BMPR1A: variants seen among roughly 807,000 people sequenced by gnomAD.
BMPR1A encodes the protein bone morphogenetic protein receptor type 1A.
In BMPR1A, 7 loss-of-function variants were observed where a neutral mutation model predicts 66.0. The observed-to-expected ratio is 0.11, with a 90% CI of 0.06 to 0.20. The LOEUF is 0.20. Ranked by LOEUF, BMPR1A falls within the 10% of genes least tolerant of loss-of-function variation. The probability of loss-of-function intolerance (pLI) is 1.00; values close to 1 mark genes in which losing one functional copy is unlikely to be tolerated. For missense variants in BMPR1A, 408 were observed against 669.1 expected, an observed-to-expected ratio of 0.61 and a Z score of 4.31; for synonymous variants, 200 against 229.7, an observed-to-expected ratio of 0.87 and a Z score of 1.17.
At position 86,855,939 on chromosome 10, in the gene BMPR1A, CT is replaced by C. The variant is rs1325268782; in HGVS notation, c.-153+16963del. On this transcript the variant is annotated intron_variant, in intron 2 of 12. Transcript: ENST00000372037. Reference sequence around the variant, plus strand: ...TTGTTGATATCTGATGTTTTAATGGCTTTACTGCATAACTATTTCTTTTCCA... The same window carrying C: ...TTGTTGATATCTGATGTTTTAATGGCTTACTGCATAACTATTTCTTTTCCA... 6.2e-6 allele frequency: 4 copies of C among 641,788 alleles called. No individual in the cohort carries two copies. The East Asian group carries it at 1.1e-4, about 17-fold the overall frequency. 39.8% of individuals were successfully genotyped at this position (641,788 alleles called of 1,614,324 possible).
chr10:86,790,076 A>G (rs1841578375), intron 1 of BMPR1A, among the ~76,000 whole-genome samples: 1 of 141,284 alleles, frequency 7.1e-6, no homozygotes, highest in Non-Finnish European at 1.5e-5. Context: ...GAATGGCGTG[A>G]ACCCAGGAGG....
intron 1 of BMPR1A, among the ~76,000 whole-genome samples, chr10:86,795,416 GTT>G (rs10536775): frequency 0.13 from 19,344 of 149,654 alleles, 1,778 homozygotes; most frequent in African/African-American, 0.26. Flanking sequence ...AAAGTGATTT[GTT>G]TTTTTTTTTT....
At chr10:86,828,717 T>C (rs1842229280) in intron 1 of BMPR1A, among the ~76,000 whole-genome samples, 1 of 152,136 alleles carries the variant, frequency 6.6e-6, no homozygotes, top group Non-Finnish European at 1.5e-5. Flanking sequence ...GGAAGCTTGT[T>C]CCATGGGACA....
chr10:86,913,236 G>A (rs1243786670), intron 8 of BMPR1A, among the ~76,000 whole-genome samples: 22 of 150,764 alleles, frequency 1.5e-4, no homozygotes, highest in Admixed American at 1.3e-3. Flanking sequence ...AGCAATTCCC[G>A]TCTCAGCCTC....
chr10:86,829,824 C>T (rs1842244014), intron 1 of BMPR1A, among the ~76,000 whole-genome samples: 1 of 151,964 alleles, frequency 6.6e-6, no homozygotes, highest in African/African-American at 2.4e-5. Flanking sequence ...AATCTCTTTC[C>T]CTAGTTTTTG....
chr10:86,761,788 T>A (rs1407133659), intron 1 of BMPR1A, among the ~76,000 whole-genome samples: 1 of 152,160 alleles, frequency 6.6e-6, no homozygotes, highest in Non-Finnish European at 1.5e-5. Flanking sequence ...CAAGAACAAC[T>A]CCTGGATTTC....
At chr10:86,876,324 G>T (rs546168836) in intron 3 of BMPR1A, among the ~76,000 whole-genome samples, 1 of 152,230 alleles carries the variant, frequency 6.6e-6, no homozygotes, top group Admixed American at 6.5e-5. Flanking sequence ...CAACATAGGC[G>T]TAATGATACA....
intron 5 of BMPR1A, among the ~76,000 whole-genome samples, chr10:86,893,215 A>C (rs1200077523): frequency 2.0e-5 from 3 of 152,134 alleles, no homozygotes; most frequent in African/African-American, 7.2e-5. Context: ...GATATACTGC[A>C]AACTCTAGGG....
At chr10:86,834,598 A>T (rs1158337248) in intron 1 of BMPR1A, among the ~76,000 whole-genome samples, 3 of 152,202 alleles carry the variant, frequency 2.0e-5, no homozygotes, top group Admixed American at 2.0e-4. Flanking sequence ...TTCAATTTAT[A>T]AATGAAGTTT....
chr10:86,850,900 C>T (rs1842556853), intron 2 of BMPR1A, among the ~76,000 whole-genome samples: 1 of 152,036 alleles, frequency 6.6e-6, no homozygotes, highest in Non-Finnish European at 1.5e-5. Flanking sequence ...TTGTTCAGTA[C>T]CAATATGAGA....
chr10:86,861,377 T>C (rs780917671), intron 2 of BMPR1A, among the ~76,000 whole-genome samples: 1 of 152,218 alleles, frequency 6.6e-6, no homozygotes, highest in Non-Finnish European at 1.5e-5. Flanking sequence ...TTGGTCATGC[T>C]TGTCAGGGAA....
chr10:86,838,568 C>CT (rs879405131), intron 1 of BMPR1A, among the ~76,000 whole-genome samples: 161 of 124,968 alleles, frequency 1.3e-3, no homozygotes, highest in East Asian at 5.9e-3. Flanking sequence ...TATTCCTGTT[C>CT]TTTTTTTTTT....
chr10:86,851,869 A>G (rs1842572587), intron 2 of BMPR1A, among the ~76,000 whole-genome samples: 1 of 152,162 alleles, frequency 6.6e-6, no homozygotes, highest in Non-Finnish European at 1.5e-5. Flanking sequence ...TACTAATTTT[A>G]TCGTATGAAA....
chr10:86,811,917 A>C (rs969957301), intron 1 of BMPR1A, among the ~76,000 whole-genome samples: 2 of 152,068 alleles, frequency 1.3e-5, no homozygotes, highest in Non-Finnish European at 2.9e-5. Context: ...TCATTTGTAC[A>C]AAAAATTAGA....
At chr10:86,773,956 T>C (rs1281974745) in intron 1 of BMPR1A, among the ~76,000 whole-genome samples, 2 of 151,574 alleles carry the variant, frequency 1.3e-5, no homozygotes, top group Non-Finnish European at 2.9e-5. Flanking sequence ...GTTCAAGCGA[T>C]TCTCCTGCCT....
chr10:86,820,700 C>T lies in BMPR1A; in HGVS notation c.-267-18165C>T, dbSNP rs192574638. Among the ~76,000 whole-genome samples, 7 of 152,286 alleles carry T rather than the reference C, an allele frequency of 4.6e-5. No individual in the cohort carries two copies. In the East Asian group the frequency reaches 1.2e-3, roughly 25 times the overall value. On this transcript the variant is annotated intron_variant, in intron 1 of 12. Coordinates refer to ENST00000372037, the MANE Select transcript of BMPR1A (RefSeq NM_004329.3). ...TCCTTGCCCTCCCCCCGGACTTCTC[C>T]GGATGCTAGTTGATGCCTGTTTAGC...
intron 2 of BMPR1A, among the ~76,000 whole-genome samples, chr10:86,839,409 A>G (rs1049553987): frequency 3.3e-5 from 5 of 152,126 alleles, no homozygotes; most frequent in Admixed American, 3.3e-4. Context: ...CCTGGCCAAC[A>G]TGGCGAAATC....
At chr10:86,801,152 T>G (rs1428377292) in intron 1 of BMPR1A, among the ~76,000 whole-genome samples, 1 of 152,196 alleles carries the variant, frequency 6.6e-6, no homozygotes, top group East Asian at 1.9e-4. Flanking sequence ...TTTTTATATA[T>G]TTTTTGAGAC....
intron 2 of BMPR1A, among the ~76,000 whole-genome samples, chr10:86,853,965 C>T (rs1016323627): frequency 2.7e-4 from 41 of 152,210 alleles, no homozygotes; most frequent in African/African-American, 7.0e-4. Flanking sequence ...ATTTATTAGG[C>T]GGGAATTTCC....
Sources: allele counts gnomAD v4.1 joint callset (sites outside exome capture counted in the v4.1 genomes callset), GRCh38; gene constraint gnomAD v4.1.1; transcripts MANE v1.5; gene names NCBI Gene and HGNC (gene_info 2026-07-23, HGNC 2026-07-21).